Variants in DDX39B observed in about 807,000 individuals in gnomAD.
DDX39B encodes the protein DExD-box helicase 39B.
Under a neutral mutation model 46.4 loss-of-function variants are expected in DDX39B, and 6 were observed. The observed-to-expected ratio is 0.13, with a 90% CI of 0.07 to 0.26. DDX39B has a LOEUF of 0.26. DDX39B is among the 10% of genes least tolerant of loss of function. DDX39B has a pLI of 1.00. For missense variants in DDX39B, 185 were observed against 553.4 expected (o/e 0.33, Z 6.68); for synonymous variants, 174 against 199.4 (o/e 0.87, Z 1.07).
At chr6:31,538,565 T>C (rs1768040758) in intron 4 of DDX39B, among the ~76,000 whole-genome samples, 198 bp downstream of exon 4, 2 of 152,144 alleles carry the variant, frequency 1.3e-5, no homozygotes, top group South Asian at 4.1e-4. Context: ...CAGTATAAAG[T>C]AGTAAGAAAA....
intron 1 of DDX39B, chr6:31,541,084 T>C (rs981162956): frequency 3.8e-6 from 2 of 533,304 alleles, no homozygotes; most frequent in South Asian, 1.4e-5. Context: ...CCCACCGTTA[T>C]GGATGCCTAA....
At chr6:31,536,165 G>C (rs180673702) in intron 5 of DDX39B, among the ~76,000 whole-genome samples, 176 of 152,314 alleles carry the variant, frequency 1.2e-3, no homozygotes, top group African/African-American at 3.6e-3. Flanking sequence ...GATGCCAGAA[G>C]GGTACTGTCT....
At chr6:31,538,967 A>C (rs2516393) in intron 3 of DDX39B, 112 bp from the exon 4 acceptor site, 1,219,033 of 1,471,090 alleles carry the variant, frequency 0.83, 506,955 homozygotes, top group South Asian at 0.93. Context: ...GACTTCAATT[A>C]TGTGATCTAA....
At position 31,535,031 on chromosome 6, in the gene DDX39B, G is replaced by A. The variant is rs962492799; in HGVS notation, c.735+336C>T. 1.5e-5 allele frequency: 6 copies of A among 396,748 alleles called. No individual in the cohort carries two copies. The highest frequency in any genetic ancestry group is 7.3e-5 in the Admixed American group (2 of 27,372). 24.6% of individuals were successfully genotyped at this position (396,748 alleles called of 1,614,324 possible). ...GAGGGTGCGTGGCTGTAGGGTGCAT[G>A]TAAGAGACGATGGATGGGTGGGTGG... On this transcript the variant is annotated intron_variant, in intron 6 of 10. Transcript: ENST00000396172. This position sits in a 1 kb window ranked among gnomAD's most constrained non-coding sequence, Gnocchi z 4.6.
rs1433014712 is a variant in DDX39B, at chr6:31,535,295, G to A, written c.735+72C>T. 6.9e-7 allele frequency: 1 copy of A among 1,442,538 alleles called. No individual in the cohort carries two copies. The highest frequency in any genetic ancestry group is 9.8e-7 in the Non-Finnish European group (1 of 1,024,860). 89.4% of individuals were successfully genotyped at this position (1,442,538 alleles called of 1,614,324 possible). ...TGGCACTTGAATGACAAGGGAGTCTGAGGAAGAGGGCGAGGAAGGGGAGGA... is the reference window on the plus strand; with the variant it reads ...TGGCACTTGAATGACAAGGGAGTCTAAGGAAGAGGGCGAGGAAGGGGAGGA... On this transcript the variant is annotated intron_variant, in intron 6 of 10. Transcript: ENST00000396172. This position sits in a 1 kb window ranked among gnomAD's most constrained non-coding sequence, Gnocchi z 4.6.
In DDX39B at chr6:31,530,578, G is replaced by A. The variant is rs1287868832; in HGVS notation, c.1271-128C>T. 7.3e-7 allele frequency: 1 copy of A among 1,369,418 alleles called. No individual in the cohort carries two copies. The highest frequency in any genetic ancestry group is 1.0e-6 in the Non-Finnish European group (1 of 983,414). The allele number at this position is 1,369,418 out of a possible 1,614,324, so 84.8% of individuals were successfully genotyped here. On this transcript the variant is annotated intron_variant, in intron 10 of 10. Transcript: ENST00000396172. The surrounding 1 kb of genome is among the most constrained non-coding windows in gnomAD (Gnocchi z 4.5). ...GAGGACGGACGTGGGGGTGAGGGAA[G>A]GGATGTAATATGATGAGAGAAGACA...
rs756441570 is a variant in DDX39B at position 31,531,511 on chromosome 6, G to A, written c.868-106C>T. On this transcript the variant is annotated intron_variant, in intron 7 of 10. Coordinates refer to ENST00000396172, the MANE Select transcript of DDX39B (RefSeq NM_004640.7). The surrounding 1 kb of genome is among the most constrained non-coding windows in gnomAD (Gnocchi z 5.8). ...GAGTTTCTAGTAATTACGTTCTCAG[G>A]AATTCCTCTTCATTTCTCTTATTCC... 50 of 893,850 alleles carry A rather than the reference G, an allele frequency of 5.6e-5. No individual in the cohort carries two copies. Among genetic ancestry groups the A allele is most frequent in the Non-Finnish European group, 8.3e-5 (47 of 563,758 alleles). 55.4% of individuals were successfully genotyped at this position (893,850 alleles called of 1,614,324 possible). A position where few individuals can be genotyped will look rare whatever the true frequency, so the allele number is the denominator to read the frequency against.
intron 3 of DDX39B, 114 bp downstream of exon 3, chr6:31,539,033 G>A (rs1562422353): frequency 6.3e-7 from 1 of 1,579,888 alleles, no homozygotes; most frequent in African/African-American, 1.3e-5. Context: ...GGTTGTCAAG[G>A]GTAACAGAGG....
intron 3 of DDX39B, 128 bp downstream of exon 3, chr6:31,539,019 G>A (rs1228522461): frequency 6.5e-7 from 1 of 1,544,126 alleles, no homozygotes; most frequent in Non-Finnish European, 9.0e-7. Flanking sequence ...CCCCACAGCT[G>A]TCAGGTTGTC....
intron 1 of DDX39B, chr6:31,541,271 A>G (rs1768409031): frequency 1.9e-6 from 1 of 521,688 alleles, no homozygotes; most frequent in Non-Finnish European, 4.0e-6. Flanking sequence ...CATGGGGGGG[A>G]GGGGCGGTGC....
rs1767700633 is a variant in DDX39B at position 31,535,587 on chromosome 6, A to T, written c.617-102T>A. The T allele has an allele frequency of 1.2e-6, 1 of 861,452 alleles. No individual in the cohort carries two copies. The highest frequency in any genetic ancestry group is 1.9e-6 in the Non-Finnish European group (1 of 532,232). 53.4% of individuals were successfully genotyped at this position (861,452 alleles called of 1,614,324 possible). A position where few individuals can be genotyped will look rare whatever the true frequency, so the allele number is the denominator to read the frequency against. On this transcript the variant is annotated intron_variant, in intron 5 of 10. Transcript: ENST00000396172. The surrounding 1 kb of genome is among the most constrained non-coding windows in gnomAD (Gnocchi z 4.6). ...TGAGGTGAAGATTGCTGGAAATAGT[A>T]ACAACACAATGGAAAGAGCAATGGA...
intron 6 of DDX39B, 78 bp from the exon 7 acceptor site, chr6:31,532,989 A>G: frequency 1.9e-6 from 1 of 531,958 alleles, no homozygotes; most frequent in Non-Finnish European, 3.6e-6. Flanking sequence ...GAGGAAGTTG[A>G]TCTCCAATAC....
Position 31,531,431 on chromosome 6 carries a change from G to A in DDX39B, c.868-26C>T, listed in dbSNP as rs1368372661. 6 of 1,607,864 alleles carry A rather than the reference G, an allele frequency of 3.7e-6. No individual in the cohort carries two copies. Among genetic ancestry groups the A allele is most frequent in the South Asian group, 3.3e-5 (3 of 90,914 alleles). On this transcript the variant is annotated intron_variant, in intron 7 of 10. Coordinates refer to ENST00000396172, the MANE Select transcript of DDX39B (RefSeq NM_004640.7). This position sits in a 1 kb window ranked among gnomAD's most constrained non-coding sequence, Gnocchi z 5.8. ...CTGTTGTGGGGTGGGGTGGGGGGTC[G>A]CAAATTGGGGGAATAGGGGTCCATG...
rs1217540244 is a variant in DDX39B, at chr6:31,535,884, A to G, written c.617-399T>C. ...CTCTGGATTACTTTTCTATCAAGTC[A>G]GGCAAATATGACATCCCTACCTGGA... On this transcript the variant is annotated intron_variant, in intron 5 of 10. Coordinates refer to ENST00000396172, the MANE Select transcript of DDX39B (RefSeq NM_004640.7). This position sits in a 1 kb window ranked among gnomAD's most constrained non-coding sequence, Gnocchi z 4.6. Among the ~76,000 whole-genome samples, 1 of 152,230 alleles carries G rather than the reference A, an allele frequency of 6.6e-6. No homozygotes were observed. The highest frequency in any genetic ancestry group is 1.5e-5 in the Non-Finnish European group (1 of 68,042).
chr6:31,539,002 G>T, intron 3 of DDX39B, 145 bp downstream of exon 3: 1 of 1,511,916 alleles, frequency 6.6e-7, no homozygotes, highest in South Asian at 1.1e-5. Flanking sequence ...GCTTGCGACA[G>T]AACATCCCCC....
rs1308402549 is a variant in DDX39B at position 31,530,416 on chromosome 6, C to G, written c.*18G>C. 6.2e-7 allele frequency: 1 copy of G among 1,612,732 alleles called. No individual in the cohort carries two copies. The highest frequency in any genetic ancestry group is 8.5e-7 in the Non-Finnish European group (1 of 1,179,874). On this transcript the variant is annotated 3_prime_UTR_variant, in exon 11 of 11. Coordinates refer to ENST00000396172, the MANE Select transcript of DDX39B (RefSeq NM_004640.7). The surrounding 1 kb of genome is among the most constrained non-coding windows in gnomAD (Gnocchi z 4.5). The stretch of plus-strand genomic sequence containing the variant: ...CTCCTGAAGGACAGACGGTCACATT[C>G]CAAAATGGGCGAGTCTTCTACCGTG...
intron 2 of DDX39B, 28 bp from the exon 3 acceptor site, chr6:31,539,302 A>G (rs2150343273): frequency 6.2e-7 from 1 of 1,604,688 alleles, no homozygotes; most frequent in East Asian, 2.2e-5. Flanking sequence ...AGGAAGATAA[A>G]TTAGACTTCA....
chr6:31,540,300 A>G (rs1339246018), intron 2 of DDX39B, 22 bp downstream of exon 2: 1 of 1,612,226 alleles, frequency 6.2e-7, no homozygotes, highest in East Asian at 2.2e-5. Context: ...AATGAGCACT[A>G]CATGCCCAAG....
At chr6:31,540,299 T>C (rs1435927377) in intron 2 of DDX39B, 23 bp downstream of exon 2, 13 of 1,612,356 alleles carry the variant, frequency 8.1e-6, no homozygotes, top group Non-Finnish European at 9.3e-6. Context: ...CAATGAGCAC[T>C]ACATGCCCAA....
Sources: gnomAD v4.1 joint callset for allele counts (sites outside exome capture counted in the v4.1 genomes callset) on GRCh38, gnomAD v4.1.1 for gene constraint, Gnocchi (gnomAD v3.1) non-coding constraint, MANE v1.5 for transcripts, NCBI Gene and HGNC (gene_info 2026-07-23, HGNC 2026-07-21) for gene names.